Variants in CENPC observed in about 807,000 individuals in gnomAD.
CENPC encodes the protein centromere protein C.
In CENPC, 63 loss-of-function variants were observed where a neutral mutation model predicts 112.1. The ratio of observed to expected loss-of-function variants is 0.56; its 90% CI spans 0.46 to 0.69. The LOEUF is 0.69. CENPC is among the 30% of genes least tolerant of loss of function. The pLI is 0.00. For synonymous variants in CENPC, 333 were observed against 367.6 expected, an observed-to-expected ratio of 0.91 and a Z score of 1.08; for missense variants, 1,000 against 1,103.8, an observed-to-expected ratio of 0.91 and a Z score of 1.33.
intron 4 of CENPC, among the ~76,000 whole-genome samples, chr4:67,532,902 T>A: frequency 6.6e-6 from 1 of 152,288 alleles, no homozygotes; most frequent in Middle Eastern, 3.4e-3. Flanking sequence ...AAAATAATAA[T>A]TTTTAAAAAA....
In CENPC at chr4:67,490,141, A is replaced by G. The variant is rs914674575; in HGVS notation, c.2516-20T>C. 2 of 1,548,366 alleles carry G rather than the reference A, an allele frequency of 1.3e-6. No individual in the cohort carries two copies. Among genetic ancestry groups the G allele is most frequent in the Non-Finnish European group, 1.8e-6 (2 of 1,139,032 alleles). On this transcript the variant is annotated intron_variant, in intron 16 of 18. Transcript: ENST00000273853. ...CAAGATCTAGGAGTAAAACAGTAAT[A>G]CAAATATAAAACAACAGCAGTATTG...
intron 1 of CENPC, among the ~76,000 whole-genome samples, chr4:67,545,066 A>C (rs943788005): frequency 1.1e-4 from 16 of 152,176 alleles, no homozygotes; most frequent in African/African-American, 3.4e-4. Flanking sequence ...AACAAAAAAA[A>C]ACCCAGCAGA....
intron 18 of CENPC, among the ~76,000 whole-genome samples, chr4:67,473,922 T>A (rs1433021083): frequency 2.0e-5 from 3 of 152,184 alleles, no homozygotes; most frequent in African/African-American, 7.2e-5. Context: ...TACAATAACT[T>A]CTGCTGTTCG....
chr4:67,535,257 G>A (rs1247752399), intron 4 of CENPC, among the ~76,000 whole-genome samples: 1 of 151,762 alleles, frequency 6.6e-6, no homozygotes, highest in African/African-American at 2.4e-5. Flanking sequence ...AACAATTAAG[G>A]TCTCAAATTC....
intron 5 of CENPC, among the ~76,000 whole-genome samples, chr4:67,522,584 T>C (rs148959915): frequency 6.6e-6 from 1 of 152,302 alleles, no homozygotes; most frequent in Non-Finnish European, 1.5e-5. Context: ...AGCAGAGCCA[T>C]ATAGCCTTTT....
intron 12 of CENPC, 46 bp downstream of exon 12, chr4:67,505,159 T>G (rs1433517970): frequency 7.4e-7 from 1 of 1,342,966 alleles, no homozygotes. Context: ...TTACTCCATA[T>G]TCATAATGCC....
intron 11 of CENPC, among the ~76,000 whole-genome samples, chr4:67,505,890 G>A (rs1043943722): frequency 7.2e-5 from 11 of 151,800 alleles, no homozygotes; most frequent in Non-Finnish European, 7.4e-5. Flanking sequence ...ACATCCTGTG[G>A]TGAAAATCAA....
chr4:67,492,293 T>C lies in CENPC; in HGVS notation c.2420-18A>G, dbSNP rs772757862. The C allele has an allele frequency of 1.2e-5, 17 of 1,464,164 alleles. No individual in the cohort carries two copies. Among genetic ancestry groups the C allele is most frequent in the Middle Eastern group, 1.7e-4 (1 of 5,804 alleles). The allele number at this position is 1,464,164 out of a possible 1,614,324, so 90.7% of individuals were successfully genotyped here. On this transcript the variant is annotated intron_variant, in intron 15 of 18. Coordinates refer to ENST00000273853, the MANE Select transcript of CENPC (RefSeq NM_001812.4). The stretch of plus-strand genomic sequence containing the variant: ...GTTAGTCTCTGCAAAAGAAATACCA[T>C]TGAAATACAAACTACTTACTTAAAA...
At chr4:67,533,045 A>G (rs355483) in intron 4 of CENPC, among the ~76,000 whole-genome samples, 96,286 of 152,020 alleles carry the variant, frequency 0.63, 30,746 homozygotes, top group East Asian at 0.81. Context: ...ACACAGTATC[A>G]GCACAGTAGA....
At chr4:67,491,527 A>AGAGAGAGC (rs1433475806) in intron 16 of CENPC, among the ~76,000 whole-genome samples, 10 of 126,456 alleles carry the variant, frequency 7.9e-5, no homozygotes, top group Non-Finnish European at 1.0e-4. Flanking sequence ...AGAGAGAGAG[A>AGAGAGAGC]GCCTGGTTGT....
intron 17 of CENPC, among the ~76,000 whole-genome samples, chr4:67,475,804 T>C (rs1307688487): frequency 6.6e-6 from 1 of 152,144 alleles, no homozygotes; most frequent in South Asian, 2.1e-4. Flanking sequence ...GGTTTCACCA[T>C]GGTCTCGATC....
chr4:67,509,709 CTCCT>C (rs1039909909), intron 9 of CENPC, among the ~76,000 whole-genome samples: 16 of 152,038 alleles, frequency 1.1e-4, no homozygotes, highest in African/African-American at 3.6e-4. Flanking sequence ...CAAGCTCTCC[CTCCT>C]GTCATTAGTA....
chr4:67,489,766 C>T (rs954557495), intron 17 of CENPC, among the ~76,000 whole-genome samples: 1 of 152,012 alleles, frequency 6.6e-6, no homozygotes, highest in African/African-American at 2.4e-5. Flanking sequence ...TCTCAAAATA[C>T]AGTGCTATGC....
rs149743954 is a variant in CENPC at position 67,514,739 on chromosome 4, T to A, written c.831-52A>T. The A allele has an allele frequency of 6.0e-4, 887 of 1,466,766 alleles. 13 individuals are homozygous for A. The Admixed American group carries it at 0.02, about 33-fold the overall frequency. The allele number at this position is 1,466,766 out of a possible 1,614,324, so 90.9% of individuals were successfully genotyped here. On this transcript the variant is annotated intron_variant, in intron 7 of 18. Coordinates refer to ENST00000273853, the MANE Select transcript of CENPC (RefSeq NM_001812.4). ...TTCAAAAAAATAAAGCTTTTATATT[T>A]GTTTAGTAAAGAAAATAATCTAGGA...
At chr4:67,496,894 C>T (rs1725447083) in intron 12 of CENPC, among the ~76,000 whole-genome samples, 1 of 140,740 alleles carries the variant, frequency 7.1e-6, no homozygotes, top group Non-Finnish European at 1.5e-5. Context: ...CCCACCCCCA[C>T]CCCCACCCCC....
chr4:67,514,912 T>C (rs1216403914), intron 7 of CENPC, among the ~76,000 whole-genome samples: 1 of 151,824 alleles, frequency 6.6e-6, no homozygotes, highest in African/African-American at 2.4e-5. Context: ...GCTAGAAATC[T>C]AGACATCAAC....
At chr4:67,538,728 C>T (rs1460709155) in intron 4 of CENPC, among the ~76,000 whole-genome samples, 3 of 152,114 alleles carry the variant, frequency 2.0e-5, no homozygotes, top group Non-Finnish European at 4.4e-5. Flanking sequence ...AAGAACCACC[C>T]GAAGCCTTGA....
intron 17 of CENPC, 84 bp from the exon 18 acceptor site, chr4:67,475,062 A>C: frequency 2.5e-4 from 157 of 620,850 alleles, no homozygotes; most frequent in Non-Finnish European, 2.6e-4. Flanking sequence ...TGGGAAGAAT[A>C]ACGACTCCCC....
Position 67,514,214 on chromosome 4 carries a change from T to A in CENPC, c.1304A>T (p.Asp435Val), listed in dbSNP as rs1026251156. The change falls in exon 8 of 19, where the codon GAT (aspartate) becomes GTT (valine). Residue 435 changes from aspartate (D) to valine (V), a missense_variant. Physicochemically the swap from Asp to Val is radical, Grantham distance 152. Transcript: ENST00000273853. ...FMAKPAEEQLDVGQSKDENIH... is the reference protein window; with the variant it reads ...FMAKPAEEQLVVGQSKDENIH... ...GTTTTCATCTTTAGACTGTCCCACA[T>A]CAAGCTGTTCTTCAGCTGGTTTAGC... 51 of 1,613,250 alleles carry A rather than the reference T, an allele frequency of 3.2e-5. No individual in the cohort carries two copies. The highest frequency in any genetic ancestry group is 4.2e-5 in the Non-Finnish European group (50 of 1,179,674).
Sources: allele counts gnomAD v4.1 joint callset (sites outside exome capture counted in the v4.1 genomes callset), GRCh38; gene constraint gnomAD v4.1.1; transcripts MANE v1.5; gene names NCBI Gene and HGNC (gene_info 2026-07-23, HGNC 2026-07-21).